Variants in RFX2 observed in about 807,000 individuals in gnomAD.
RFX2 encodes DNA-binding protein RFX2.
RFX2 carries 20 observed loss-of-function variants against 87.8 expected under a neutral mutation model. The observed-to-expected ratio is 0.23, with a 90% CI of 0.16 to 0.33. The LOEUF (loss-of-function observed/expected upper bound fraction) is 0.33, where lower values mean the gene tolerates loss of function less well. Among genes scored for constraint, RFX2 ranks in the 10% least tolerant of loss-of-function variants. RFX2 has a pLI of 1.00. For synonymous variants in RFX2, 397 were observed against 431.3 expected, an observed-to-expected ratio of 0.92 and a Z score of 0.98; for missense variants, 767 against 1,012.3, an observed-to-expected ratio of 0.76 and a Z score of 3.29.
chr19:6,036,436 C>T (rs1007791740), intron 5 of RFX2, among the ~76,000 whole-genome samples: 7 of 152,160 alleles, frequency 4.6e-5, no homozygotes, highest in African/African-American at 1.2e-4. Flanking sequence ...GAGAGGACAG[C>T]AAGATTCATG....
At chr19:6,068,745 G>A (rs534604100) in intron 1 of RFX2, among the ~76,000 whole-genome samples, 1 of 152,230 alleles carries the variant, frequency 6.6e-6, no homozygotes, top group Admixed American at 6.5e-5. Context: ...CATTGTAGGG[G>A]CTCTGGCTTT....
At position 6,007,883 on chromosome 19, in the gene RFX2, G is replaced by C. The variant is rs1325719484; in HGVS notation, c.1135-81C>G. On this transcript the variant is annotated intron_variant, in intron 10 of 17. Coordinates refer to ENST00000303657, the MANE Select transcript of RFX2 (RefSeq NM_000635.4). The surrounding 1 kb of genome is among the most constrained non-coding windows in gnomAD (Gnocchi z 8.2). ...CAGCACACGTCAAGTGAGCAGCCGT[G>C]ATCCGGGCTACAGCGGGGTGCCCTG... The C allele has an allele frequency of 1.2e-5, 13 of 1,052,204 alleles. No homozygotes were observed. The Admixed American group carries it at 2.6e-4, about 21-fold the overall frequency. 65.2% of individuals were successfully genotyped at this position (1,052,204 alleles called of 1,614,324 possible). A position where few individuals can be genotyped will look rare whatever the true frequency, so the allele number is the denominator to read the frequency against.
At position 5,999,039 on chromosome 19, in the gene RFX2, T is replaced by G. The variant is rs530869914; in HGVS notation, c.1860-1826A>C. 3.9e-5 allele frequency among the ~76,000 whole-genome samples: 6 copies of G among 152,330 alleles called. No individual in the cohort carries two copies. The East Asian group carries it at 1.2e-3, about 29-fold the overall frequency. ...GGGAGGCTGAGGCAGGTGGATCACC[T>G]GAGGTCAGGAGTTTGAGAGCAGCCC... On this transcript the variant is annotated intron_variant, in intron 15 of 17. Coordinates refer to ENST00000303657, the MANE Select transcript of RFX2 (RefSeq NM_000635.4). The surrounding 1 kb of genome is among the most constrained non-coding windows in gnomAD (Gnocchi z 4.1).
intron 1 of RFX2, among the ~76,000 whole-genome samples, chr19:6,092,689 G>A (rs990336957): frequency 2.7e-5 from 4 of 150,808 alleles, no homozygotes; most frequent in South Asian, 2.1e-4. Flanking sequence ...GATAGGCAGA[G>A]CTAAGCTGAC....
In RFX2 at chr19:6,042,139, C is replaced by G. The variant is rs770909356; in HGVS notation, c.181-16G>C. On this transcript the variant is annotated splice_polypyrimidine_tract_variant and intron_variant, in intron 3 of 17. Coordinates refer to ENST00000303657, the MANE Select transcript of RFX2 (RefSeq NM_000635.4). ...CCGGCTGCACCTGAAACATCGGATACGCTGCGTTACCGCCAGTCACGCCCT... is the reference window on the plus strand; with the variant it reads ...CCGGCTGCACCTGAAACATCGGATAGGCTGCGTTACCGCCAGTCACGCCCT... 3.7e-6 allele frequency: 6 copies of G among 1,611,942 alleles called. No individual in the cohort carries two copies. The South Asian group carries it at 6.6e-5, about 18-fold the overall frequency.
intron 1 of RFX2, among the ~76,000 whole-genome samples, chr19:6,107,827 T>C (rs1401284353): frequency 2.0e-5 from 3 of 152,150 alleles, no homozygotes; most frequent in Non-Finnish European, 4.4e-5. Context: ...AGTACTTCAA[T>C]GATAAACAAT....
Position 6,007,003 on chromosome 19 carries a change from G to T in RFX2, c.1402+9C>A. 6.2e-7 allele frequency: 1 copy of T among 1,613,692 alleles called. No homozygotes were observed. Among genetic ancestry groups the T allele is most frequent in the Non-Finnish European group, 8.5e-7 (1 of 1,179,778 alleles). On this transcript the variant is annotated intron_variant, in intron 12 of 17. Transcript: ENST00000303657. This position sits in a 1 kb window ranked among gnomAD's most constrained non-coding sequence, Gnocchi z 8.2. ...GGAGCAGCGCCGGGCGGGGCCGTGG[G>T]TCACTTACTGGGGACCGGCCTCAGC...
rs1433558757 is a variant in RFX2 at position 6,061,473 on chromosome 19, G to A, written c.-8-13969C>T. The stretch of plus-strand genomic sequence containing the variant: ...TGGAGCCTACCCTTCACACTTACAA[G>A]TCTGGCTGATCAAGACCTTGTCACC... On this transcript the variant is annotated intron_variant, in intron 1 of 17. Transcript: ENST00000303657. The surrounding 1 kb of genome is among the most constrained non-coding windows in gnomAD (Gnocchi z 5.2). 6.6e-6 allele frequency among the ~76,000 whole-genome samples: 1 copy of A among 152,202 alleles called. No homozygotes were observed. The highest frequency in any genetic ancestry group is 1.9e-4 in the East Asian group (1 of 5,200).
chr19:6,042,083 T>C lies in RFX2; in HGVS notation c.221A>G (p.Tyr74Cys). The change falls in exon 4 of 18, where the codon TAC (tyrosine) becomes TGC (cysteine). Residue 74 changes from tyrosine to cysteine, a missense_variant. Tyr to Cys is a radical substitution (Grantham distance 194). Around this residue, in one of 2 missense-constraint regions of RFX2, gnomAD observed 146 missense variants for 139.2 expected, o/e 1.05. Coordinates refer to ENST00000303657, the MANE Select transcript of RFX2 (RefSeq NM_000635.4). ...VQHVYPAQVQ[Y>C]VEGGDAVYTN... ...GTAGACGGCGTCTCCCCCTTCCACG[T>C]ACTGCACCTGGGCAGGATACACGTG... 1.9e-6 allele frequency: 3 copies of C among 1,614,042 alleles called. No individual in the cohort carries two copies. Among genetic ancestry groups the C allele is most frequent in the Non-Finnish European group, 2.5e-6 (3 of 1,180,014 alleles).
rs1254677754 is a variant in RFX2 at position 6,027,935 on chromosome 19, AT to A, written c.523-1699del. ...GCCACCACACCCAGCTAATTTTTGT[AT>A]TTTTTAGCAGAGACGGGATTTCTCT... On this transcript the variant is annotated intron_variant, in intron 5 of 17. Transcript: ENST00000303657. The surrounding 1 kb of genome is among the most constrained non-coding windows in gnomAD (Gnocchi z 5.0). 1.3e-5 allele frequency among the ~76,000 whole-genome samples: 2 copies of A among 152,002 alleles called. No homozygotes were observed. Among genetic ancestry groups the A allele is most frequent in the South Asian group, 2.1e-4 (1 of 4,824 alleles).
In RFX2 at chr19:6,013,149, C is replaced by A. The variant is rs1462235372; in HGVS notation, c.780-44G>T. 1 of 1,534,312 alleles carries A rather than the reference C, an allele frequency of 6.5e-7. No individual in the cohort carries two copies. The highest frequency in any genetic ancestry group is 8.7e-7 in the Non-Finnish European group (1 of 1,142,898). ...AGGGTCAGCTCCCTTTGCAGATGTC[C>A]TGAACAACAAGACAGGTTGGGATTC... On this transcript the variant is annotated intron_variant, in intron 7 of 17. Coordinates refer to ENST00000303657, the MANE Select transcript of RFX2 (RefSeq NM_000635.4). The surrounding 1 kb of genome is among the most constrained non-coding windows in gnomAD (Gnocchi z 4.1).
intron 3 of RFX2, among the ~76,000 whole-genome samples, chr19:6,043,039 G>A (rs2087133113): frequency 6.6e-6 from 1 of 152,208 alleles, no homozygotes; most frequent in South Asian, 2.1e-4. Flanking sequence ...AGCATGGTAT[G>A]CACTTGTCCA....
intron 1 of RFX2, among the ~76,000 whole-genome samples, chr19:6,080,762 G>C (rs1414658980): frequency 6.6e-6 from 1 of 152,178 alleles, no homozygotes; most frequent in African/African-American, 2.4e-5. Context: ...TGCTGTCGGG[G>C]CTCAGTGGCT....
At position 6,002,914 on chromosome 19, in the gene RFX2, C is replaced by T; in HGVS notation, c.1501-44G>A. The T allele has an allele frequency of 7.6e-6, 12 of 1,569,058 alleles. No individual in the cohort carries two copies. Among genetic ancestry groups the T allele is most frequent in the Non-Finnish European group, 1.0e-5 (12 of 1,162,950 alleles). ...GGTGAGCAGGGGTTCGCAGGGAGAG[C>T]CTGTTCCGCTGCGCTCCTTGCAGGG... is the stretch of plus-strand genomic sequence containing the variant. On this transcript the variant is annotated intron_variant, in intron 13 of 17. Coordinates refer to ENST00000303657, the MANE Select transcript of RFX2 (RefSeq NM_000635.4). The surrounding 1 kb of genome is among the most constrained non-coding windows in gnomAD (Gnocchi z 6.7).
chr19:6,037,932 C>T, intron 5 of RFX2, among the ~76,000 whole-genome samples: 1 of 151,986 alleles, frequency 6.6e-6, no homozygotes, highest in East Asian at 1.9e-4. Flanking sequence ...ACAAATGAGG[C>T]TAGAACAACA....
chr19:6,007,871 G>T lies in RFX2; in HGVS notation c.1135-69C>A. ...ATCACGTGCACTCAGCACACGTCAA[G>T]TGAGCAGCCGTGATCCGGGCTACAG... On this transcript the variant is annotated intron_variant, in intron 10 of 17. Coordinates refer to ENST00000303657, the MANE Select transcript of RFX2 (RefSeq NM_000635.4). The surrounding 1 kb of genome is among the most constrained non-coding windows in gnomAD (Gnocchi z 8.2). The T allele has an allele frequency of 1.8e-6, 2 of 1,097,208 alleles. No individual in the cohort carries two copies. Among genetic ancestry groups the T allele is most frequent in the Non-Finnish European group, 2.7e-6 (2 of 734,614 alleles). 68.0% of individuals were successfully genotyped at this position (1,097,208 alleles called of 1,614,324 possible).
chr19:6,018,900 A>T (rs1432045173), intron 6 of RFX2, among the ~76,000 whole-genome samples: 8 of 152,176 alleles, frequency 5.3e-5, no homozygotes. Context: ...GGTTCCTGCC[A>T]CAATCCCTGA....
At chr19:6,052,036 C>T (rs2087272127) in intron 1 of RFX2, among the ~76,000 whole-genome samples, 1 of 152,122 alleles carries the variant, frequency 6.6e-6, no homozygotes, top group African/African-American at 2.4e-5. Flanking sequence ...CGCCATCACA[C>T]CAGGCTAATA....
Position 6,002,941 on chromosome 19 carries a change from T to C in RFX2, c.1501-71A>G. 6.6e-7 allele frequency: 1 copy of C among 1,508,494 alleles called. No homozygotes were observed. The highest frequency in any genetic ancestry group is 1.2e-5 in the South Asian group (1 of 83,368). 93.4% of individuals were successfully genotyped at this position (1,508,494 alleles called of 1,614,324 possible). A position where few individuals can be genotyped will look rare whatever the true frequency, so the allele number is the denominator to read the frequency against. On this transcript the variant is annotated intron_variant, in intron 13 of 17. Coordinates refer to ENST00000303657, the MANE Select transcript of RFX2 (RefSeq NM_000635.4). The surrounding 1 kb of genome is among the most constrained non-coding windows in gnomAD (Gnocchi z 6.7). ...TGTTCCGCTGCGCTCCTTGCAGGGG[T>C]GTGTGGGCTCAGGGACAACACAGGG...
Sources: allele counts gnomAD v4.1 joint callset (sites outside exome capture counted in the v4.1 genomes callset), GRCh38; gene constraint gnomAD v4.1.1; regional missense constraint gnomAD v4.1.1; non-coding constraint Gnocchi (gnomAD v3.1); transcripts MANE v1.5; gene names NCBI Gene and HGNC (gene_info 2026-07-23, HGNC 2026-07-21).